The following CCDC112 variants were observed in gnomAD, a reference collection of about 807,000 sequenced individuals.
CCDC112 encodes the protein coiled-coil domain containing 112.
A neutral mutation model predicts 66.3 loss-of-function variants in CCDC112; 40 were observed. The ratio of observed to expected loss-of-function variants is 0.60; its 90% confidence interval spans 0.47 to 0.79. The LOEUF is 0.79. Ranked by LOEUF, CCDC112 falls within the 30% of genes least tolerant of loss-of-function variation. The probability of loss-of-function intolerance (pLI) is 0.00; values close to 1 mark genes in which losing one functional copy is unlikely to be tolerated. For missense variants in CCDC112, 659 were observed against 603.8 expected (o/e 1.09, Z -0.96); for synonymous variants, 214 against 197.2 (o/e 1.09, Z -0.71).
intron 1 of CCDC112, among the ~76,000 whole-genome samples, chr5:115,285,681 T>A (rs1000763453): frequency 6.6e-6 from 1 of 152,174 alleles, no homozygotes; most frequent in Non-Finnish European, 1.5e-5. Context: ...CTGGATTTTA[T>A]TGAAGAGTTT....
Position 115,271,600 on chromosome 5 carries a change from C to T in CCDC112, c.945G>A (p.Lys315=). The change falls in exon 7 of 10, where the codon AAG becomes AAA. Residue 315 remains lysine (K), a synonymous_variant. Transcript: ENST00000379611. The part of the protein sequence containing the change: ...KESIQIWKTK[K]QQKREEIFKL... ...TGAAAATTTCCTCCCTTTTTTGCTG[C>T]TTTTTAGTTTTCCAAATCTGAATTG... 2 of 1,532,830 alleles carry T rather than the reference C, an allele frequency of 1.3e-6. No homozygotes were observed. Among genetic ancestry groups the T allele is most frequent in the Non-Finnish European group, 1.7e-6 (2 of 1,148,060 alleles). The allele number at this position is 1,532,830 out of a possible 1,614,324, so 95.0% of individuals were successfully genotyped here. A position where few individuals can be genotyped will look rare whatever the true frequency, so the allele number is the denominator to read the frequency against.
chr5:115,284,592 C>G (rs1450763876), intron 2 of CCDC112, among the ~76,000 whole-genome samples, 195 bp downstream of exon 2: 1 of 152,066 alleles, frequency 6.6e-6, no homozygotes, highest in African/African-American at 2.4e-5. Context: ...TGAAATAACT[C>G]TATTTACAAT....
Position 115,279,781 on chromosome 5 carries a change from A to G in CCDC112, c.240-13T>C, listed in dbSNP as rs773805879. The G allele has an allele frequency of 3.0e-6, 4 of 1,323,670 alleles. No individual in the cohort carries two copies. The allele number at this position is 1,323,670 out of a possible 1,614,324, so 82.0% of individuals were successfully genotyped here. On this transcript the variant is annotated splice_polypyrimidine_tract_variant and intron_variant, in intron 2 of 9. Transcript: ENST00000379611. The stretch of plus-strand genomic sequence containing the variant: ...CATGTTAATTACTCTTTAGGAAAAG[A>G]AACAAATAGTATAAATATGATCTAA...
intron 1 of CCDC112, among the ~76,000 whole-genome samples, chr5:115,287,229 G>A (rs1425466082): frequency 6.6e-6 from 1 of 152,080 alleles, no homozygotes; most frequent in Non-Finnish European, 1.5e-5. Flanking sequence ...ATCTTAATGG[G>A]TATGAAGTGA....
intron 6 of CCDC112, among the ~76,000 whole-genome samples, chr5:115,271,922 C>CTTTTTTTTTTTTTT (rs34279929): frequency 7.6e-6 from 1 of 131,930 alleles, no homozygotes; most frequent in Non-Finnish European, 1.6e-5. Context: ...TTTACTGCTT[C>CTTTTTTTTTTTTTT]TTTTTTTTTT....
intron 2 of CCDC112, among the ~76,000 whole-genome samples, chr5:115,283,016 C>T (rs1749520846): frequency 6.6e-6 from 1 of 151,968 alleles, no homozygotes; most frequent in Non-Finnish European, 1.5e-5. Context: ...TGGATATTAA[C>T]CATTTGGTGG....
chr5:115,290,543 A>G (rs1749877646), intron 1 of CCDC112, among the ~76,000 whole-genome samples: 1 of 152,382 alleles, frequency 6.6e-6, no homozygotes, highest in South Asian at 2.1e-4. Flanking sequence ...AGATCTTTAC[A>G]GAGATTGCAC....
intron 1 of CCDC112, among the ~76,000 whole-genome samples, chr5:115,293,632 A>G (rs1027869217): frequency 6.6e-6 from 1 of 151,654 alleles, no homozygotes; most frequent in Non-Finnish European, 1.5e-5. Context: ...CACATCTCCT[A>G]CTTCTGACTC....
Position 115,271,529 on chromosome 5 carries a change from T to C in CCDC112, c.1016A>G (p.Lys339Arg). Residue 339 changes from lysine to arginine, a missense_variant, in exon 7 of 10, where the codon AAA becomes AGA. Transcript: ENST00000379611. ...ADNTPVLFHN[K>R]QEDNQKQKEE... Reference sequence around the variant, plus strand: ...TTTTTGCTTTTGATTATCCTCTTGTTTATTATGAAAAAGCACAGGTGTGTT... The same window carrying C: ...TTTTTGCTTTTGATTATCCTCTTGTCTATTATGAAAAAGCACAGGTGTGTT... 1 of 1,611,060 alleles carries C rather than the reference T, an allele frequency of 6.2e-7. No individual in the cohort carries two copies. Among genetic ancestry groups the C allele is most frequent in the African/African-American group, 1.3e-5 (1 of 74,846 alleles).
At chr5:115,281,075 G>A (rs1426778372) in intron 2 of CCDC112, among the ~76,000 whole-genome samples, 3 of 151,076 alleles carry the variant, frequency 2.0e-5, no homozygotes, top group African/African-American at 4.9e-5. Context: ...CCAGGCTGGA[G>A]TGCAGTGGTG....
chr5:115,286,035 T>C (rs1032229483), intron 1 of CCDC112, among the ~76,000 whole-genome samples: 1 of 152,186 alleles, frequency 6.6e-6, no homozygotes, highest in Non-Finnish European at 1.5e-5. Context: ...AGGAAATATA[T>C]TTTAAGTCAA....
intron 1 of CCDC112, among the ~76,000 whole-genome samples, chr5:115,285,655 A>G (rs1022318947): frequency 6.6e-6 from 1 of 152,208 alleles, no homozygotes; most frequent in Non-Finnish European, 1.5e-5. Context: ...CAGATATTTT[A>G]GGTCACTTAG....
Position 115,296,519 on chromosome 5 carries a change from C to A in CCDC112, c.25G>T (p.Val9Leu). The change falls in exon 1 of 10, where the codon GTA (valine) becomes TTA (leucine). Residue 9 changes from valine to leucine, a missense_variant. By Grantham distance (32) the Val-to-Leu change is conservative. Transcript: ENST00000379611. ...GCTACCGCGGTGGCCGCAGCCGCTA[C>A]CACAACCGTCGTCAGTGCGGCCATG... MAALTTVV[V>L]AAAATAVAGA... 1 of 1,543,918 alleles carries A rather than the reference C, an allele frequency of 6.5e-7. No homozygotes were observed. Among genetic ancestry groups the A allele is most frequent in the South Asian group, 1.2e-5 (1 of 84,580 alleles).
chr5:115,283,362 T>C (rs747271112), intron 2 of CCDC112, among the ~76,000 whole-genome samples: 1 of 152,104 alleles, frequency 6.6e-6, no homozygotes, highest in Non-Finnish European at 1.5e-5. Flanking sequence ...AGATTCCACA[T>C]ATAAATGAGA....
At chr5:115,286,851 G>A (rs921566073) in intron 1 of CCDC112, among the ~76,000 whole-genome samples, 2 of 152,216 alleles carry the variant, frequency 1.3e-5, no homozygotes, top group African/African-American at 4.8e-5. Context: ...GGAGATTAAG[G>A]CTGCAGTAAG....
chr5:115,274,988 C>T (rs1413470310), intron 6 of CCDC112, among the ~76,000 whole-genome samples: 2 of 152,164 alleles, frequency 1.3e-5, no homozygotes, highest in South Asian at 2.1e-4. Context: ...AGTGATCCAT[C>T]CGCCTTAACC....
chr5:115,281,176 A>G (rs1749440616), intron 2 of CCDC112, among the ~76,000 whole-genome samples: 1 of 152,008 alleles, frequency 6.6e-6, no homozygotes, highest in Admixed American at 6.6e-5. Flanking sequence ...AGCGCCTGCC[A>G]CCATGACTGG....
chr5:115,279,767 C>T lies in CCDC112; in HGVS notation c.241G>A (p.Val81Ile), dbSNP rs372296667. 11 of 1,463,862 alleles carry T rather than the reference C, an allele frequency of 7.5e-6. No homozygotes were observed. Among genetic ancestry groups the T allele is most frequent in the Non-Finnish European group, 1.0e-5 (11 of 1,049,988 alleles). The allele number at this position is 1,463,862 out of a possible 1,614,324, so 90.7% of individuals were successfully genotyped here. ...VRTAEKFKNQ[V>I]INMEKDKHSH... ...TGTTTATCTTTTTCCATGTTAATTA[C>T]TCTTTAGGAAAAGAAACAAATAGTA... Residue 81 changes from valine to isoleucine, a missense_variant and splice_region_variant, in exon 3 of 10, where the codon GTA (valine) becomes ATA (isoleucine). Coordinates refer to ENST00000379611, the MANE Select transcript of CCDC112 (RefSeq NM_001040440.3).
intron 1 of CCDC112, among the ~76,000 whole-genome samples, chr5:115,286,429 C>A (rs1208052333): frequency 6.6e-6 from 1 of 152,158 alleles, no homozygotes; most frequent in Non-Finnish European, 1.5e-5. Flanking sequence ...ACCACATTTT[C>A]TTTATCTACT....
Sources: allele counts gnomAD v4.1 joint callset (sites outside exome capture counted in the v4.1 genomes callset), GRCh38; gene constraint gnomAD v4.1.1; transcripts MANE v1.5; gene names NCBI Gene and HGNC (gene_info 2026-07-23, HGNC 2026-07-21).